The following NIBAN1 variants were observed in gnomAD, a reference collection of about 807,000 sequenced individuals.
NIBAN1 encodes protein Niban 1.
Under a neutral mutation model 75.1 loss-of-function variants are expected in NIBAN1, and 81 were observed. The ratio of observed to expected loss-of-function variants is 1.08; its 90% confidence interval spans 0.90 to 1.30. The LOEUF is 1.30. Among genes scored for constraint, NIBAN1 ranks in the 50% most tolerant of loss-of-function variants. NIBAN1 has a pLI of 0.00. For missense variants in NIBAN1, 1,133 were observed against 1,128.1 expected (o/e 1.00, Z -0.06); for synonymous variants, 436 against 424.8 (o/e 1.03, Z -0.32).
chr1:184,883,549 C>A (rs1656430929), intron 5 of NIBAN1, among the ~76,000 whole-genome samples: 1 of 152,210 alleles, frequency 6.6e-6, no homozygotes, highest in Non-Finnish European at 1.5e-5. Flanking sequence ...CTCAGTATAT[C>A]AAAAACATCA....
At position 184,955,358 on chromosome 1, in the gene NIBAN1, T is replaced by TTTCCTTTCCTTTCCTTTCCC. The variant is rs1571602561; in HGVS notation, c.55+18943_55+18944insGGGAAAGGAAAGGAAAGGAA. ...TTTCCTTTCCTTTCCTTTCCTTTCC[T>TTTCCTTTCCTTTCCTTTCCC]TTTCTTTTTTGTTTTGTTTTTGAGA... On this transcript the variant is annotated intron_variant, in intron 1 of 13. Transcript: ENST00000367511. Among the ~76,000 whole-genome samples, 5 of 150,422 alleles carry TTTCCTTTCCTTTCCTTTCCC rather than the reference T, an allele frequency of 3.3e-5. No homozygotes were observed. In the South Asian group the frequency reaches 8.4e-4, roughly 25 times the overall value.
intron 12 of NIBAN1, among the ~76,000 whole-genome samples, chr1:184,798,563 C>T (rs1653942544): frequency 1.3e-5 from 2 of 152,100 alleles, no homozygotes; most frequent in African/African-American, 4.8e-5. Flanking sequence ...GGTTTGGAGC[C>T]TCCTTTTTTC....
chr1:184,960,606 C>CAA (rs1557931961), intron 1 of NIBAN1, among the ~76,000 whole-genome samples: 11 of 146,338 alleles, frequency 7.5e-5, no homozygotes, highest in Non-Finnish European at 1.3e-4. Context: ...ACAGACAACA[C>CAA]CAACAACAAC....
In NIBAN1 at chr1:184,794,937, T is replaced by C. The variant is rs1016289160; in HGVS notation, c.*40A>G. 1.9e-6 allele frequency: 3 copies of C among 1,602,448 alleles called. No homozygotes were observed. On this transcript the variant is annotated 3_prime_UTR_variant, in exon 14 of 14. Coordinates refer to ENST00000367511, the MANE Select transcript of NIBAN1 (RefSeq NM_052966.4). ...CCCTAAGTGTACCCCTATAACCCTT[T>C]GGCTTTTTTCAGAGAAAGACTTCAG...
At chr1:184,924,539 T>C (rs2102023019) in intron 1 of NIBAN1, among the ~76,000 whole-genome samples, 1 of 152,292 alleles carries the variant, frequency 6.6e-6, no homozygotes. Flanking sequence ...TGGTGTCAGG[T>C]AATACTGGCC....
intron 5 of NIBAN1, among the ~76,000 whole-genome samples, chr1:184,878,756 A>G (rs2101961771): frequency 6.6e-6 from 1 of 152,376 alleles, no homozygotes; most frequent in African/African-American, 2.4e-5. Context: ...TGAGAAGACA[A>G]CATGATATCT....
In NIBAN1 at chr1:184,818,888, G is replaced by A. The variant is rs1654613586; in HGVS notation, c.986-63C>T. On this transcript the variant is annotated intron_variant, in intron 8 of 13. Transcript: ENST00000367511. ...CAAAACTGGGTTTGTGGGCACTGGA[G>A]CCAGACCAGAGCTGAATGGTGCCCC... 2.6e-6 allele frequency: 4 copies of A among 1,525,350 alleles called. No homozygotes were observed. The South Asian group carries it at 5.0e-5, about 19-fold the overall frequency. The allele number at this position is 1,525,350 out of a possible 1,614,324, so 94.5% of individuals were successfully genotyped here. A position where few individuals can be genotyped will look rare whatever the true frequency, so the allele number is the denominator to read the frequency against.
intron 1 of NIBAN1, among the ~76,000 whole-genome samples, chr1:184,915,439 C>A (rs1367667485): frequency 6.6e-6 from 1 of 152,186 alleles, no homozygotes; most frequent in Non-Finnish European, 1.5e-5. Context: ...CATACGTGCT[C>A]ACTGGTATCA....
chr1:184,854,784 C>A (rs1426183527), intron 5 of NIBAN1, among the ~76,000 whole-genome samples: 1 of 152,174 alleles, frequency 6.6e-6, no homozygotes, highest in Non-Finnish European at 1.5e-5. Context: ...GATTTAGATG[C>A]CCCCTGTTTC....
intron 13 of NIBAN1, among the ~76,000 whole-genome samples, 180 bp from the exon 14 acceptor site, chr1:184,796,277 A>T (rs1368633224): frequency 6.6e-6 from 1 of 152,204 alleles, no homozygotes; most frequent in Non-Finnish European, 1.5e-5. Flanking sequence ...TGTAGCATTC[A>T]TTCATTCATT....
In NIBAN1 at chr1:184,798,155, A is replaced by G. The variant is rs1653929395; in HGVS notation, c.1590T>C (p.Asp530=). ...LQKYEQFIFA[D]HTNMIHVENV... ...TTTCAACGTGAATCATATTGGTATG[A>G]TCTGCAAAGATGAACTGCTCGTATT... The change falls in exon 13 of 14, where the codon GAT becomes GAC. Residue 530 remains aspartate, a synonymous_variant. Transcript: ENST00000367511. 1 of 1,609,032 alleles carries G rather than the reference A, an allele frequency of 6.2e-7. No homozygotes were observed. The highest frequency in any genetic ancestry group is 8.5e-7 in the Non-Finnish European group (1 of 1,176,244).
chr1:184,806,086 C>A (rs746718332), intron 10 of NIBAN1, 30 bp from the exon 11 acceptor site: 2 of 1,586,440 alleles, frequency 1.3e-6, no homozygotes, highest in Admixed American at 3.3e-5. Context: ...CAGAAACAGA[C>A]AACAGTCAGG....
chr1:184,959,608 A>G (rs1166507138), intron 1 of NIBAN1, among the ~76,000 whole-genome samples: 2 of 152,124 alleles, frequency 1.3e-5, no homozygotes, highest in African/African-American at 4.8e-5. Context: ...ACATTGTTGT[A>G]TGGGTATTTT....
intron 5 of NIBAN1, among the ~76,000 whole-genome samples, chr1:184,835,353 A>T (rs566623658): frequency 3.3e-5 from 5 of 152,332 alleles, no homozygotes; most frequent in African/African-American, 1.2e-4. Flanking sequence ...TATGAACTTT[A>T]AAGTAGTTTT....
At chr1:184,926,508 G>A (rs961036676) in intron 1 of NIBAN1, among the ~76,000 whole-genome samples, 6 of 152,174 alleles carry the variant, frequency 3.9e-5, no homozygotes, top group Admixed American at 3.9e-4. Flanking sequence ...AGAGTGCTGG[G>A]ATTACAGACA....
chr1:184,956,743 A>T (rs1557930198), intron 1 of NIBAN1, among the ~76,000 whole-genome samples: 2 of 152,072 alleles, frequency 1.3e-5, no homozygotes, highest in South Asian at 4.2e-4. Context: ...ATGTTACTCT[A>T]AAAAGGGGTC....
intron 1 of NIBAN1, among the ~76,000 whole-genome samples, chr1:184,930,661 G>A (rs1002765037): frequency 2.6e-5 from 4 of 152,184 alleles, no homozygotes; most frequent in Non-Finnish European, 4.4e-5. Flanking sequence ...ACTGGTACAC[G>A]TAGTGGGTAG....
intron 1 of NIBAN1, among the ~76,000 whole-genome samples, chr1:184,932,225 C>T (rs1447312654): frequency 6.6e-6 from 1 of 152,102 alleles, no homozygotes; most frequent in Non-Finnish European, 1.5e-5. Context: ...GTGTATTACA[C>T]TTATTGTGTA....
intron 13 of NIBAN1, among the ~76,000 whole-genome samples, chr1:184,797,258 C>T (rs1157176475): frequency 6.6e-6 from 1 of 151,436 alleles, no homozygotes; most frequent in Non-Finnish European, 1.5e-5. Flanking sequence ...TCCTACCTCA[C>T]CTTCTGGAGT....
Sources: gnomAD v4.1 joint callset for allele counts (sites outside exome capture counted in the v4.1 genomes callset) on GRCh38, gnomAD v4.1.1 for gene constraint, MANE v1.5 for transcripts, NCBI Gene and HGNC (gene_info 2026-07-23, HGNC 2026-07-21) for gene names.